MSI2: variants seen among roughly 807,000 people sequenced by gnomAD.
The protein encoded by MSI2 is RNA-binding protein Musashi homolog 2.
MSI2 carries 17 observed loss-of-function variants against 45.6 expected under a neutral mutation model. The ratio of observed to expected loss-of-function variants is 0.37; its 90% CI spans 0.26 to 0.56. MSI2 has a LOEUF of 0.56. MSI2 is among the 20% of genes least tolerant of loss of function. The pLI is 0.77. For synonymous variants in MSI2, 156 were observed against 158.2 expected, an observed-to-expected ratio of 0.99 and a Z score of 0.11; for missense variants, 293 against 444.2, an observed-to-expected ratio of 0.66 and a Z score of 3.06.
intron 5 of MSI2, among the ~76,000 whole-genome samples, chr17:57,295,677 G>A (rs1358786743): frequency 2.6e-5 from 4 of 152,152 alleles, no homozygotes; most frequent in African/African-American, 9.7e-5. Context: ...ATGAATCACT[G>A]AGGGGCTTGG....
intron 6 of MSI2, among the ~76,000 whole-genome samples, chr17:57,505,547 A>G (rs892333274): frequency 1.3e-5 from 2 of 152,204 alleles, no homozygotes; most frequent in African/African-American, 4.8e-5. Flanking sequence ...ATCCCCTAAC[A>G]TATGCAGGTA....
intron 5 of MSI2, among the ~76,000 whole-genome samples, chr17:57,311,729 A>AT (rs1423884603): frequency 6.6e-6 from 1 of 151,896 alleles, no homozygotes; most frequent in African/African-American, 2.4e-5. Flanking sequence ...AATTTTTAAA[A>AT]TTTTTTTGCA....
chr17:57,344,136 A>C (rs1185580806), intron 5 of MSI2, among the ~76,000 whole-genome samples: 1 of 152,250 alleles, frequency 6.6e-6, no homozygotes, highest in Non-Finnish European at 1.5e-5. Context: ...TGCCTGATCT[A>C]GTCTTTACAG....
chr17:57,350,225 G>GGGGTGTGTGTGT (rs368655017), intron 5 of MSI2, among the ~76,000 whole-genome samples: 12 of 146,746 alleles, frequency 8.2e-5, no homozygotes, highest in African/African-American at 1.0e-4. Flanking sequence ...CAGAGGTAGG[G>GGGGTGTGTGTGT]GTGTGTGTGT....
At chr17:57,496,468 C>T (rs1371654757) in intron 6 of MSI2, among the ~76,000 whole-genome samples, 1 of 152,212 alleles carries the variant, frequency 6.6e-6, no homozygotes, top group Admixed American at 6.5e-5. Context: ...TTTCTCAGCC[C>T]GGTGAGGCCG....
At chr17:57,698,924 T>TGTGTTTGTGC in the MSI2 span, among the ~76,000 whole-genome samples, 1 of 146,534 alleles carries the variant, frequency 6.8e-6, no homozygotes, top group African/African-American at 2.6e-5. Flanking sequence ...TGTGTGTGTG[T>TGTGTTTGTGC]GTGTGTGTGT....
chr17:57,293,162 G>C (rs1378221242), intron 5 of MSI2, among the ~76,000 whole-genome samples: 1 of 152,114 alleles, frequency 6.6e-6, no homozygotes, highest in Non-Finnish European at 1.5e-5. Context: ...AGTGCCCATG[G>C]TTTTCAGAGC....
At chr17:57,318,557 G>A (rs1913059398) in intron 5 of MSI2, among the ~76,000 whole-genome samples, 1 of 152,052 alleles carries the variant, frequency 6.6e-6, no homozygotes, top group East Asian at 1.9e-4. Flanking sequence ...GTCAGGGTTG[G>A]GGCGTTGGTG....
chr17:57,484,043 C>T (rs984851434), intron 6 of MSI2, among the ~76,000 whole-genome samples: 1 of 152,188 alleles, frequency 6.6e-6, no homozygotes, highest in Non-Finnish European at 1.5e-5. Flanking sequence ...GAGGCACTTT[C>T]CCAAGGTCTC....
At chr17:57,642,726 C>T (rs969291542) in intron 10 of MSI2, among the ~76,000 whole-genome samples, 14 of 152,306 alleles carry the variant, frequency 9.2e-5, no homozygotes, top group African/African-American at 3.1e-4. Flanking sequence ...TGCTTAGAAC[C>T]GAGCTTGGCC....
intron 5 of MSI2, among the ~76,000 whole-genome samples, chr17:57,314,919 G>A (rs1206176923): frequency 6.6e-6 from 1 of 152,164 alleles, no homozygotes; most frequent in Non-Finnish European, 1.5e-5. Context: ...GCACAGTGAA[G>A]TTTGAGAAAC....
At chr17:57,399,444 G>A (rs1567801526) in intron 5 of MSI2, among the ~76,000 whole-genome samples, 1 of 152,194 alleles carries the variant, frequency 6.6e-6, no homozygotes, top group Non-Finnish European at 1.5e-5. Flanking sequence ...TAACCAGCAG[G>A]TTGTGGTGGC....
intron 5 of MSI2, among the ~76,000 whole-genome samples, chr17:57,322,902 AG>A: frequency 6.6e-6 from 1 of 152,008 alleles, no homozygotes; most frequent in Admixed American, 6.6e-5. Context: ...TGAGGGCTGC[AG>A]GGCAGGGAGC....
At chr17:57,353,877 T>C (rs139042561) in intron 5 of MSI2, among the ~76,000 whole-genome samples, 48 of 152,256 alleles carry the variant, frequency 3.2e-4, no homozygotes, top group African/African-American at 9.6e-4. Context: ...TCTTTTTTTT[T>C]ATGTGTGTAA....
intron 5 of MSI2, among the ~76,000 whole-genome samples, chr17:57,352,707 C>T (rs1439784501): frequency 6.6e-6 from 1 of 152,212 alleles, no homozygotes; most frequent in Non-Finnish European, 1.5e-5. Context: ...TGTACCTAGA[C>T]AGGGTTTGTG....
chr17:57,454,025 G>A (rs903746861), intron 6 of MSI2, among the ~76,000 whole-genome samples: 5 of 152,220 alleles, frequency 3.3e-5, no homozygotes, highest in Admixed American at 6.5e-5. Context: ...CCACCTGTTG[G>A]CCGCCAAGGC....
At chr17:57,294,797 G>A (rs11657906) in intron 5 of MSI2, 14,719 of 152,370 alleles carry the variant, frequency 0.097, 938 homozygotes, top group Non-Finnish European at 0.14. Context: ...GAGGTAATTA[G>A]CATTTAGTAA....
intron 7 of MSI2, among the ~76,000 whole-genome samples, chr17:57,543,489 C>T (rs2087098353): frequency 6.6e-6 from 1 of 152,188 alleles, no homozygotes; most frequent in African/African-American, 2.4e-5. Flanking sequence ...GCATTTCTAC[C>T]CCAGAGGCCA....
At chr17:57,647,957 G>A (rs4793884) in intron 10 of MSI2, among the ~76,000 whole-genome samples, 1 of 150,040 alleles carries the variant, frequency 6.7e-6, no homozygotes, top group African/African-American at 2.5e-5. Context: ...GTGTTTGTTG[G>A]TTTGTTTGTT....
Sources: allele counts gnomAD v4.1 joint callset (sites outside exome capture counted in the v4.1 genomes callset), GRCh38; gene constraint gnomAD v4.1.1; transcripts MANE v1.5; gene names NCBI Gene and HGNC (gene_info 2026-07-23, HGNC 2026-07-21).